Variants in DNAJC2 observed in about 807,000 individuals in gnomAD.
DNAJC2 encodes the protein DnaJ heat shock protein family (Hsp40) member C2.
Under a neutral mutation model 94.0 loss-of-function variants are expected in DNAJC2, and 32 were observed. That is an observed-to-expected ratio of 0.34 (90% CI 0.26 to 0.46). The LOEUF is 0.46. Among genes scored for constraint, DNAJC2 ranks in the 20% least tolerant of loss-of-function variants. DNAJC2 has a pLI of 1.00. For synonymous variants in DNAJC2, 210 were observed against 229.7 expected (o/e 0.91, Z 0.77); for missense variants, 550 against 719.5 (o/e 0.76, Z 2.69).
At chr7:103,323,694 G>C (rs747582413) in intron 6 of DNAJC2, 31 bp from the exon 7 acceptor site, 5 of 1,338,120 alleles carry the variant, frequency 3.7e-6, no homozygotes, top group Non-Finnish European at 3.0e-6. Context: ...ACATGATCAA[G>C]ACAGAATAAA....
chr7:103,321,453 G>T (rs1009551456), intron 10 of DNAJC2, among the ~76,000 whole-genome samples: 6 of 151,062 alleles, frequency 4.0e-5, no homozygotes, highest in African/African-American at 1.5e-4. Flanking sequence ...AGGAGGCGGG[G>T]GTTGCAGTGA....
At chr7:103,316,147 AC>A in intron 13 of DNAJC2, 59 bp from the exon 14 acceptor site, 1 of 1,107,122 alleles carries the variant, frequency 9.0e-7, no homozygotes, top group South Asian at 1.7e-5. Flanking sequence ...AAATGAAACG[AC>A]AAAAACCATT....
At chr7:103,336,658 T>A (rs947811504) in intron 3 of DNAJC2, 7 of 152,260 alleles carry the variant, frequency 4.6e-5, no homozygotes, top group African/African-American at 1.7e-4. Context: ...TGCTATTCTT[T>A]CGTATAGTAA....
rs991597082 is a variant in DNAJC2, at chr7:103,323,586, T to C, written c.719+12A>G. 5.5e-6 allele frequency: 8 copies of C among 1,455,640 alleles called. No homozygotes were observed. The highest frequency in any genetic ancestry group is 2.7e-5 in the South Asian group (2 of 74,776). 90.2% of individuals were successfully genotyped at this position (1,455,640 alleles called of 1,614,324 possible). A position where few individuals can be genotyped will look rare whatever the true frequency, so the allele number is the denominator to read the frequency against. On this transcript the variant is annotated intron_variant, in intron 7 of 16. Coordinates refer to ENST00000379263, the MANE Select transcript of DNAJC2 (RefSeq NM_014377.3). ...ATAAATACCTTCCATTATTAATGAT[T>C]TGCATACATACCATTCTGCTTTTTC...
intron 3 of DNAJC2, 170 bp downstream of exon 3, chr7:103,337,566 T>C: frequency 1.8e-6 from 1 of 566,802 alleles, no homozygotes; most frequent in Non-Finnish European, 3.1e-6. Flanking sequence ...TGCTTTCTTC[T>C]GATTCTGAAG....
Position 103,315,793 on chromosome 7 carries a change from T to C in DNAJC2, c.1607A>G (p.Asp536Gly), listed in dbSNP as rs749167598. 9 of 1,613,720 alleles carry C rather than the reference T, an allele frequency of 5.6e-6. No individual in the cohort carries two copies. Among genetic ancestry groups the C allele is most frequent in the Middle Eastern group, 1.6e-4 (1 of 6,082 alleles). The change falls in exon 15 of 17, where the codon GAC (aspartate) becomes GGC (glycine). Residue 536 changes from aspartate (D) to glycine (G), a missense_variant. Transcript: ENST00000379263. ...AAATCGTTCTGAAGGCGTTGCGTTGTCTGCTTGAGGTACCACTCCATGTTC... is the reference window on the plus strand; with the variant it reads ...AAATCGTTCTGAAGGCGTTGCGTTGCCTGCTTGAGGTACCACTCCATGTTC... ...KKEHGVVPQA[D>G]NATPSERFEG...
chr7:103,334,620 A>G (rs1819097380), intron 3 of DNAJC2, among the ~76,000 whole-genome samples: 1 of 151,484 alleles, frequency 6.6e-6, no homozygotes, highest in South Asian at 2.1e-4. Flanking sequence ...TTTTAATTAA[A>G]AAAAAAAAAG....
At chr7:103,334,964 G>A (rs1349030012) in intron 3 of DNAJC2, among the ~76,000 whole-genome samples, 1 of 152,044 alleles carries the variant, frequency 6.6e-6, no homozygotes, top group African/African-American at 2.4e-5. Flanking sequence ...CGCCCAAGTA[G>A]CTGGGATTAC....
chr7:103,343,122 C>T (rs556153871), intron 1 of DNAJC2, among the ~76,000 whole-genome samples: 7 of 152,168 alleles, frequency 4.6e-5, no homozygotes, highest in African/African-American at 9.6e-5. Context: ...GCCTCAGCCT[C>T]CCAAGTTGCT....
At chr7:103,343,365 AC>A (rs1395125505) in intron 1 of DNAJC2, among the ~76,000 whole-genome samples, 3 of 152,236 alleles carry the variant, frequency 2.0e-5, no homozygotes, top group African/African-American at 7.2e-5. Flanking sequence ...GAATTCACTA[AC>A]AAGAATTTGT....
At chr7:103,312,790 T>C (rs967853261) in intron 16 of DNAJC2, 147 bp from the exon 17 acceptor site, 1 of 1,510,528 alleles carries the variant, frequency 6.6e-7, no homozygotes, top group African/African-American at 1.4e-5. Flanking sequence ...AGAAAGTTTC[T>C]AAGGTTGCTC....
At position 103,326,601 on chromosome 7, in the gene DNAJC2, T is replaced by G; in HGVS notation, c.514A>C (p.Ser172Arg). The change falls in exon 5 of 17, where the codon AGT (serine) becomes CGT (arginine). Residue 172 changes from serine (S) to arginine (R), a missense_variant. Transcript: ENST00000379263. ...TCGAAGAAATTATCCTTTGCTTCAC[T>G]TTTAGAAGGAACTGAGTTATCAAAA... ...PTFDNSVPSK[S>R]EAKDNFFEVF... The G allele has an allele frequency of 6.2e-7, 1 of 1,613,918 alleles. No homozygotes were observed. The highest frequency in any genetic ancestry group is 8.5e-7 in the Non-Finnish European group (1 of 1,179,862).
chr7:103,321,795 C>A (rs1425650126), intron 10 of DNAJC2, 137 bp downstream of exon 10: 6 of 923,656 alleles, frequency 6.5e-6, no homozygotes, highest in African/African-American at 3.4e-5. Flanking sequence ...TTGCGGTGAA[C>A]TGAGATCGCG....
intron 4 of DNAJC2, chr7:103,327,419 G>T: frequency 3.4e-6 from 3 of 874,220 alleles, no homozygotes; most frequent in Non-Finnish European, 5.1e-6. Context: ...TTGGGGCAGG[G>T]CCTGAGACTG....
In DNAJC2 at chr7:103,344,729, T is replaced by G; in HGVS notation, c.-107A>C. 1 of 1,186,494 alleles carries G rather than the reference T, an allele frequency of 8.4e-7. No individual in the cohort carries two copies. The highest frequency in any genetic ancestry group is 1.2e-6 in the Non-Finnish European group (1 of 820,638). 73.5% of individuals were successfully genotyped at this position (1,186,494 alleles called of 1,614,324 possible). ...CTCACTCCGAGCCTCGCGCCTTGGC[T>G]CTAAGACGCCCAGGAACCGGCGCAT... is the stretch of plus-strand genomic sequence containing the variant. On this transcript the variant is annotated 5_prime_UTR_variant, in exon 1 of 17. Coordinates refer to ENST00000379263, the MANE Select transcript of DNAJC2 (RefSeq NM_014377.3).
intron 3 of DNAJC2, among the ~76,000 whole-genome samples, chr7:103,332,321 T>G (rs1314223753): frequency 6.6e-6 from 1 of 152,228 alleles, no homozygotes; most frequent in East Asian, 1.9e-4. Context: ...CTATTATTTT[T>G]AACATTTTAA....
At chr7:103,332,375 A>AT (rs1463518540) in intron 3 of DNAJC2, among the ~76,000 whole-genome samples, 2 of 152,050 alleles carry the variant, frequency 1.3e-5, no homozygotes, top group African/African-American at 4.8e-5. Flanking sequence ...TGTTTGTAGG[A>AT]TTTTTTGGGC....
chr7:103,328,491 C>A (rs1009739271), intron 3 of DNAJC2, among the ~76,000 whole-genome samples: 1 of 151,824 alleles, frequency 6.6e-6, no homozygotes, highest in East Asian at 2.0e-4. Flanking sequence ...ACTAGCTGGG[C>A]GTGGTGGTGC....
intron 1 of DNAJC2, among the ~76,000 whole-genome samples, chr7:103,343,256 C>T (rs1819460149): frequency 6.6e-6 from 1 of 152,204 alleles, no homozygotes; most frequent in African/African-American, 2.4e-5. Flanking sequence ...CTGCCTCGGC[C>T]TCCCAAAGTG....
Sources: allele counts gnomAD v4.1 joint callset (sites outside exome capture counted in the v4.1 genomes callset), GRCh38; gene constraint gnomAD v4.1.1; transcripts MANE v1.5; gene names NCBI Gene and HGNC (gene_info 2026-07-23, HGNC 2026-07-21).